Variants in MGMT observed in about 807,000 individuals in gnomAD.
MGMT encodes O-6-methylguanine-DNA methyltransferase.
MGMT carries 14 observed loss-of-function variants against 15.9 expected under a neutral mutation model. The observed-to-expected ratio is 0.88, with a 90% CI of 0.58 to 1.37. MGMT has a LOEUF of 1.37. MGMT is among the 40% of genes most tolerant of loss of function. The pLI is 0.00. For missense variants in MGMT, 282 were observed against 268.1 expected (o/e 1.05, Z -0.36); for synonymous variants, 130 against 118.2 (o/e 1.10, Z -0.65).
chr10:129,596,740 A>G (rs1846755651), intron 2 of MGMT, among the ~76,000 whole-genome samples: 1 of 152,208 alleles, frequency 6.6e-6, no homozygotes, highest in Middle Eastern at 3.2e-3. Flanking sequence ...CTCTGGATAT[A>G]CTAGGACAGC....
At chr10:129,618,185 T>C (rs1847050461) in intron 2 of MGMT, among the ~76,000 whole-genome samples, 1 of 152,100 alleles carries the variant, frequency 6.6e-6, no homozygotes, top group Admixed American at 6.5e-5. Context: ...CCTAGAAAAC[T>C]TTTTTTAAAA....
intron 3 of MGMT, among the ~76,000 whole-genome samples, chr10:129,731,997 T>A (rs1337984978): frequency 6.6e-6 from 1 of 152,134 alleles, no homozygotes; most frequent in Non-Finnish European, 1.5e-5. Flanking sequence ...CTAGTATTGC[T>A]ATGGAAATGA....
At chr10:129,520,523 C>G (rs1845792668) in intron 1 of MGMT, among the ~76,000 whole-genome samples, 1 of 151,770 alleles carries the variant, frequency 6.6e-6, no homozygotes, top group Non-Finnish European at 1.5e-5. Context: ...GGTGCAGAGC[C>G]TCTACAGTGC....
chr10:129,580,282 A>G (rs1321034169), intron 2 of MGMT, among the ~76,000 whole-genome samples: 2 of 152,170 alleles, frequency 1.3e-5, no homozygotes, highest in East Asian at 3.9e-4. Context: ...ACTGCATACC[A>G]TGTGTCAGGA....
chr10:129,543,133 G>C (rs572179082), intron 2 of MGMT, among the ~76,000 whole-genome samples: 1 of 152,196 alleles, frequency 6.6e-6, no homozygotes, highest in African/African-American at 2.4e-5. Context: ...GCCGACTGCT[G>C]GCCCCCGGAC....
intron 2 of MGMT, among the ~76,000 whole-genome samples, chr10:129,563,212 G>A (rs1230763348): frequency 6.6e-6 from 1 of 152,172 alleles, no homozygotes; most frequent in African/African-American, 2.4e-5. Context: ...ATAAGTCGAG[G>A]CACATCTCTG....
chr10:129,719,015 G>T (rs1036035355), intron 3 of MGMT, among the ~76,000 whole-genome samples: 26 of 151,894 alleles, frequency 1.7e-4, no homozygotes, highest in Non-Finnish European at 2.9e-4. Flanking sequence ...TCACCTTCCT[G>T]AGATGTCTAG....
At chr10:129,555,140 G>C (rs2119797396) in intron 2 of MGMT, among the ~76,000 whole-genome samples, 1 of 152,330 alleles carries the variant, frequency 6.6e-6, no homozygotes, top group Non-Finnish European at 1.5e-5. Flanking sequence ...GCCCCTGCGT[G>C]CTCAGCAGCC....
chr10:129,517,279 C>T (rs1177719062), intron 1 of MGMT, among the ~76,000 whole-genome samples: 1 of 152,200 alleles, frequency 6.6e-6, no homozygotes, highest in Non-Finnish European at 1.5e-5. Flanking sequence ...GCCCCCTTAG[C>T]TCATTTCTAG....
intron 2 of MGMT, among the ~76,000 whole-genome samples, chr10:129,706,818 T>C (rs1848168878): frequency 6.6e-6 from 1 of 152,146 alleles, no homozygotes; most frequent in African/African-American, 2.4e-5. Context: ...CCACCCCTGC[T>C]GGAGATGGGG....
chr10:129,759,486 G>A (rs55973415), intron 4 of MGMT, 145 bp downstream of exon 4: 61,557 of 1,271,266 alleles, frequency 0.048, 4,773 homozygotes, highest in African/African-American at 0.28. Context: ...GGACCATTAT[G>A]CCAGATGCCT....
chr10:129,685,066 T>C (rs1847890493), intron 2 of MGMT, among the ~76,000 whole-genome samples: 2 of 152,200 alleles, frequency 1.3e-5, no homozygotes, highest in South Asian at 2.1e-4. Context: ...TGGCATCACA[T>C]AAAGGTTTCC....
At position 129,566,219 on chromosome 10, in the gene MGMT, T is replaced by C. The variant is rs920179893; in HGVS notation, c.125+29842T>C. Among the ~76,000 whole-genome samples, 10 of 152,220 alleles carry C rather than the reference T, an allele frequency of 6.6e-5. No homozygotes were observed. The highest frequency in any genetic ancestry group is 1.0e-4 in the Non-Finnish European group (7 of 68,042). Reference sequence around the variant, plus strand: ...ATGGAGAGCTGGACTTCCAGCCTGCTTCTTGGCTGTCTAGGTGCCAGGGGC... The same window carrying C: ...ATGGAGAGCTGGACTTCCAGCCTGCCTCTTGGCTGTCTAGGTGCCAGGGGC... On this transcript the variant is annotated intron_variant, in intron 2 of 4. Transcript: ENST00000651593. This position sits in a 1 kb window ranked among gnomAD's most constrained non-coding sequence, Gnocchi z 4.1.
intron 2 of MGMT, among the ~76,000 whole-genome samples, chr10:129,540,582 G>C (rs771556586): frequency 6.6e-6 from 1 of 152,112 alleles, no homozygotes; most frequent in Non-Finnish European, 1.5e-5. Context: ...ATGTGCTCTT[G>C]CTCCTTTATT....
chr10:129,709,490 T>TG (rs1848206713), intron 3 of MGMT, among the ~76,000 whole-genome samples: 1 of 152,178 alleles, frequency 6.6e-6, no homozygotes, highest in African/African-American at 2.4e-5. Flanking sequence ...GATCTCTTTT[T>TG]GGGGGTTCGC....
chr10:129,709,770 C>G (rs1291499497), intron 3 of MGMT, among the ~76,000 whole-genome samples: 10 of 152,304 alleles, frequency 6.6e-5, no homozygotes, highest in Non-Finnish European at 1.2e-4. Flanking sequence ...TATGGTGGCC[C>G]TGGCCATGGA....
At chr10:129,570,650 G>A (rs1846407201) in intron 2 of MGMT, among the ~76,000 whole-genome samples, 1 of 152,146 alleles carries the variant, frequency 6.6e-6, no homozygotes, top group African/African-American at 2.4e-5. Context: ...AATCTAATCT[G>A]CAATGCTGAG....
intron 2 of MGMT, among the ~76,000 whole-genome samples, chr10:129,620,131 T>C (rs1436869552): frequency 6.6e-6 from 1 of 152,188 alleles, no homozygotes; most frequent in African/African-American, 2.4e-5. Context: ...TAGGAAACTT[T>C]GTTTGTTAAG....
chr10:129,752,124 A>C (rs1242735301), intron 3 of MGMT, among the ~76,000 whole-genome samples: 1 of 151,988 alleles, frequency 6.6e-6, no homozygotes, highest in Non-Finnish European at 1.5e-5. Flanking sequence ...ATATAATTCT[A>C]GATTTGTCTA....
Sources: allele counts gnomAD v4.1 joint callset (sites outside exome capture counted in the v4.1 genomes callset), GRCh38; gene constraint gnomAD v4.1.1; non-coding constraint Gnocchi (gnomAD v3.1); transcripts MANE v1.5; gene names NCBI Gene and HGNC (gene_info 2026-07-23, HGNC 2026-07-21).